SCHIP1: variants seen among roughly 807,000 people sequenced by gnomAD.
The protein encoded by SCHIP1 is schwannomin-interacting protein 1.
A neutral mutation model predicts 29.7 loss-of-function variants in SCHIP1; 8 were observed. That is an observed-to-expected ratio of 0.27 (90% CI 0.16 to 0.49). SCHIP1 has a LOEUF of 0.49. SCHIP1 is among the 20% of genes least tolerant of loss of function. The probability of loss-of-function intolerance (pLI) is 0.99; values close to 1 mark genes in which losing one functional copy is unlikely to be tolerated. For missense variants in SCHIP1, 193 were observed against 294.6 expected (o/e 0.66, Z 2.52); for synonymous variants, 76 against 94.9 (o/e 0.80, Z 1.16).
chr3:159,354,266 T>C, the SCHIP1 span, among the ~76,000 whole-genome samples: 2 of 152,178 alleles, frequency 1.3e-5, no homozygotes, highest in Non-Finnish European at 2.9e-5. Context: ...GTGCTAGACT[T>C]AGTGTAATCT....
the SCHIP1 span, among the ~76,000 whole-genome samples, chr3:159,834,298 C>A: frequency 3.3e-5 from 5 of 152,092 alleles, no homozygotes; most frequent in African/African-American, 1.2e-4. Flanking sequence ...AGTGAATAAC[C>A]AAATGAACAA....
the SCHIP1 span, among the ~76,000 whole-genome samples, chr3:159,692,409 G>A: frequency 6.6e-6 from 1 of 152,018 alleles, no homozygotes; most frequent in Non-Finnish European, 1.5e-5. Context: ...TTTCTTGGAG[G>A]CTTTGTTTGT....
chr3:159,415,531 T>C, the SCHIP1 span, among the ~76,000 whole-genome samples: 1 of 152,160 alleles, frequency 6.6e-6, no homozygotes, highest in African/African-American at 2.4e-5. Flanking sequence ...TTCCCTTCTA[T>C]AAGTGAGAAT....
chr3:159,473,674 GAAAAAAAAAA>G, the SCHIP1 span, among the ~76,000 whole-genome samples: 2 of 81,446 alleles, frequency 2.5e-5, no homozygotes, highest in Non-Finnish European at 4.8e-5. Flanking sequence ...ATGTAACTAC[GAAAAAAAAAA>G]AAAAAAAAAA....
the SCHIP1 span, among the ~76,000 whole-genome samples, chr3:159,376,676 A>G: frequency 3.9e-5 from 6 of 152,074 alleles, no homozygotes; most frequent in Admixed American, 3.9e-4. Flanking sequence ...GCTGTGTTTC[A>G]TATTCTTGGC....
chr3:159,727,507 AG>A, the SCHIP1 span, among the ~76,000 whole-genome samples: 1 of 152,234 alleles, frequency 6.6e-6, no homozygotes, highest in African/African-American at 2.4e-5. Context: ...TAAACTCGCA[AG>A]GGTTGGAAAA....
the SCHIP1 span, chr3:159,275,215 G>A: frequency 6.2e-6 from 2 of 324,660 alleles, no homozygotes; most frequent in African/African-American, 4.5e-5. Context: ...AGAATGAAAG[G>A]TAGATTTATG....
chr3:159,748,702 G>A, the SCHIP1 span, among the ~76,000 whole-genome samples: 1 of 152,190 alleles, frequency 6.6e-6, no homozygotes, highest in Non-Finnish European at 1.5e-5. Context: ...CTAGGTAATA[G>A]ACTCATTTCA....
At chr3:159,300,707 T>C in the SCHIP1 span, among the ~76,000 whole-genome samples, 1 of 152,124 alleles carries the variant, frequency 6.6e-6, no homozygotes, top group African/African-American at 2.4e-5. Flanking sequence ...AGAGGCAGTG[T>C]GGAGCCACTT....
chr3:159,845,629 A>G (rs1408360670), intron 1 of SCHIP1: 2 of 152,142 alleles, frequency 1.3e-5, no homozygotes, highest in Non-Finnish European at 2.9e-5. Flanking sequence ...TGATCTGCCC[A>G]CCTTAGCCTC....
the SCHIP1 span, among the ~76,000 whole-genome samples, chr3:159,608,136 G>A: frequency 0.015 from 2,345 of 152,256 alleles, 65 homozygotes; most frequent in African/African-American, 0.053. Flanking sequence ...GATCGTTATG[G>A]ACATCTGAGT....
At chr3:159,275,152 A>G in the SCHIP1 span, 4 of 812,686 alleles carry the variant, frequency 4.9e-6, no homozygotes, top group South Asian at 5.7e-5. Context: ...CAATAGATCC[A>G]CTGATAATTT....
At chr3:159,507,605 G>A in the SCHIP1 span, among the ~76,000 whole-genome samples, 1 of 152,128 alleles carries the variant, frequency 6.6e-6, no homozygotes, top group Non-Finnish European at 1.5e-5. Flanking sequence ...CTGTGGGTTT[G>A]TCATAAGTAG....
chr3:159,395,139 T>G, the SCHIP1 span, among the ~76,000 whole-genome samples: 1 of 152,228 alleles, frequency 6.6e-6, no homozygotes, highest in African/African-American at 2.4e-5. Flanking sequence ...GATGGTAGTT[T>G]GTATTTCTGT....
chr3:159,338,668 C>T, the SCHIP1 span, among the ~76,000 whole-genome samples: 2 of 152,034 alleles, frequency 1.3e-5, no homozygotes, highest in Non-Finnish European at 2.9e-5. Context: ...GTAATCCAAG[C>T]AAGAGATAAT....
chr3:159,596,200 G>A, the SCHIP1 span, among the ~76,000 whole-genome samples: 2 of 152,182 alleles, frequency 1.3e-5, no homozygotes, highest in African/African-American at 4.8e-5. Flanking sequence ...ATGGAAAAAT[G>A]CTCACCATCA....
the SCHIP1 span, among the ~76,000 whole-genome samples, chr3:159,375,263 C>A: frequency 6.6e-6 from 1 of 152,242 alleles, no homozygotes; most frequent in East Asian, 1.9e-4. Context: ...AAAGAAGATG[C>A]TCAGATGAGC....
chr3:159,300,556 T>G, the SCHIP1 span, among the ~76,000 whole-genome samples: 81 of 152,266 alleles, frequency 5.3e-4, no homozygotes, highest in African/African-American at 1.9e-3. Flanking sequence ...AACCCACAAC[T>G]CCCTGCAATT....
the SCHIP1 span, among the ~76,000 whole-genome samples, chr3:159,827,649 C>CA: frequency 6.6e-6 from 1 of 151,778 alleles, no homozygotes; most frequent in African/African-American, 2.4e-5. Context: ...ACTAAAAATA[C>CA]AAAAAATTAG....
Sources: allele counts gnomAD v4.1 joint callset (sites outside exome capture counted in the v4.1 genomes callset), GRCh38; gene constraint gnomAD v4.1.1; transcripts MANE v1.5; gene names NCBI Gene and HGNC (gene_info 2026-07-23, HGNC 2026-07-21).